DDR1: variants seen among roughly 807,000 people sequenced by gnomAD.
DDR1 encodes the protein epithelial discoidin domain-containing receptor 1.
In DDR1, 64 loss-of-function variants were observed where a neutral mutation model predicts 97.4. The observed-to-expected ratio is 0.66, with a 90% CI of 0.54 to 0.81. The LOEUF (loss-of-function observed/expected upper bound fraction) is 0.81. Among genes scored for constraint, DDR1 ranks in the 30% least tolerant of loss-of-function variants. DDR1 has a pLI of 0.00. For missense variants in DDR1, 990 were observed against 1,259.6 expected (o/e 0.79, Z 3.24); for synonymous variants, 458 against 503.7 (o/e 0.91, Z 1.21).
At position 30,888,649 on chromosome 6, in the gene DDR1, C is replaced by T. The variant is rs1387789614; in HGVS notation, c.-42-39C>T. The T allele has an allele frequency of 1.3e-6, 2 of 1,576,268 alleles. No individual in the cohort carries two copies. Among genetic ancestry groups the T allele is most frequent in the Non-Finnish European group, 1.7e-6 (2 of 1,160,734 alleles). On this transcript the variant is annotated intron_variant, in intron 1 of 17. Transcript: ENST00000376568. The surrounding 1 kb of genome is among the most constrained non-coding windows in gnomAD (Gnocchi z 4.2). The stretch of plus-strand genomic sequence containing the variant: ...GTTGCTGTCAGCTATGACTCAGTCC[C>T]CTGATTAACTTACGCACCACCCATT...
intron 11 of DDR1, 73 bp from the exon 12 acceptor site, chr6:30,895,331 T>G: frequency 8.6e-7 from 1 of 1,169,274 alleles, no homozygotes; most frequent in Non-Finnish European, 1.2e-6. Flanking sequence ...CTTGCCCTAT[T>G]CAAGGTCTCC....
intron 12 of DDR1, among the ~76,000 whole-genome samples, chr6:30,895,916 C>T (rs1246500966): frequency 6.6e-6 from 1 of 152,172 alleles, no homozygotes. Context: ...TGTCCTCTCT[C>T]TGCAGTCCCA....
At chr6:30,887,464 CCTT>C (rs1321969519) in intron 1 of DDR1, among the ~76,000 whole-genome samples, 1 of 152,122 alleles carries the variant, frequency 6.6e-6, no homozygotes. Context: ...TATATTCTCT[CCTT>C]CTAGACGTAC....
intron 10 of DDR1, 29 bp downstream of exon 10, chr6:30,893,452 C>CG: frequency 3.8e-6 from 6 of 1,583,094 alleles, no homozygotes; most frequent in Non-Finnish European, 5.1e-6. Flanking sequence ...TGTGGAGTGG[C>CG]GGGGGGAGGC....
chr6:30,897,276 G>C lies in DDR1; in HGVS notation c.1998-103G>C. 1.4e-6 allele frequency: 2 copies of C among 1,453,500 alleles called. No homozygotes were observed. Among genetic ancestry groups the C allele is most frequent in the Non-Finnish European group, 1.9e-6 (2 of 1,077,872 alleles). 90.0% of individuals were successfully genotyped at this position (1,453,500 alleles called of 1,614,324 possible). The stretch of plus-strand genomic sequence containing the variant: ...GGGGATTTACATGTACGCTGGGGGT[G>C]GGGACGCCTGGTCTGCCTGAGGTGG... On this transcript the variant is annotated intron_variant, in intron 14 of 17. Transcript: ENST00000376568. The surrounding 1 kb of genome is among the most constrained non-coding windows in gnomAD (Gnocchi z 5.2).
chr6:30,897,656 C>T lies in DDR1; in HGVS notation c.2216+59C>T, dbSNP rs117271606. Reference sequence around the variant, plus strand: ...ATTCCCCCAGGGGATCTCCTCCTCTCCCCTCGCTTCAGCCTGGAGGAAAAG... The same window carrying T: ...ATTCCCCCAGGGGATCTCCTCCTCTTCCCTCGCTTCAGCCTGGAGGAAAAG... On this transcript the variant is annotated intron_variant, in intron 15 of 17. Coordinates refer to ENST00000376568, the MANE Select transcript of DDR1 (RefSeq NM_001297654.2). This position sits in a 1 kb window ranked among gnomAD's most constrained non-coding sequence, Gnocchi z 5.2. 0.017 allele frequency: 23,087 copies of T among 1,398,104 alleles called. 616 individuals are homozygous for T. Among genetic ancestry groups the T allele is most frequent in the Admixed American group, 0.12 (6,460 of 52,210 alleles). The allele number at this position is 1,398,104 out of a possible 1,614,324, so 86.6% of individuals were successfully genotyped here.
chr6:30,896,577 G>A (rs757228468), intron 12 of DDR1, 44 bp from the exon 13 acceptor site: 3 of 1,588,716 alleles, frequency 1.9e-6, no homozygotes, highest in Non-Finnish European at 2.6e-6. Flanking sequence ...CTCTTGGGCT[G>A]TTCCTGATGC....
chr6:30,893,183 C>A lies in DDR1; in HGVS notation c.1195+20C>A. ...GCTTGGGTGAGCAATCTTGGGTGGG[C>A]GTGTGGACCCTCTGCACCCTTCTCC... On this transcript the variant is annotated intron_variant, in intron 9 of 17. Transcript: ENST00000376568. 1.9e-6 allele frequency: 3 copies of A among 1,602,650 alleles called. No homozygotes were observed. The highest frequency in any genetic ancestry group is 3.4e-5 in the Admixed American group (2 of 59,676).
intron 12 of DDR1, among the ~76,000 whole-genome samples, chr6:30,895,751 C>T (rs945126848): frequency 1.3e-5 from 2 of 152,214 alleles, no homozygotes; most frequent in Non-Finnish European, 2.9e-5. Context: ...CTTCTCCCTC[C>T]TCCTCTTCCA....
rs189043015 is a variant in DDR1 at position 30,898,586 on chromosome 6, G to A, written c.2451+279G>A. ...TGGGCGAGGAAGCTGGAGATAGAAG[G>A]GGTTGGGTAGGGAGACCGAAGGTCA... is the stretch of plus-strand genomic sequence containing the variant. On this transcript the variant is annotated intron_variant, in intron 16 of 17. Transcript: ENST00000376568. 1.8e-4 allele frequency among the ~76,000 whole-genome samples: 28 copies of A among 152,280 alleles called. No homozygotes were observed. In the East Asian group the frequency reaches 3.7e-3, roughly 20 times the overall value.
chr6:30,895,838 T>C (rs1790562069), intron 12 of DDR1, among the ~76,000 whole-genome samples: 1 of 152,090 alleles, frequency 6.6e-6, no homozygotes, highest in African/African-American at 2.4e-5. Context: ...CCTCCTTTAT[T>C]CTCCACTCTC....
rs977021532 is a variant in DDR1, at chr6:30,891,714, CAT to C, written c.665+236_665+237del. On this transcript the variant is annotated intron_variant, in intron 6 of 17. Transcript: ENST00000376568. This position sits in a 1 kb window ranked among gnomAD's most constrained non-coding sequence, Gnocchi z 5.3. ...AAAAAGGCACCCCTTTGCTAACACA[CAT>C]TGTTGGAAATTGCTGCAATAAATAT... is the stretch of plus-strand genomic sequence containing the variant. 4.6e-5 allele frequency among the ~76,000 whole-genome samples: 7 copies of C among 152,132 alleles called. No homozygotes were observed. Among genetic ancestry groups the C allele is most frequent in the African/African-American group, 1.7e-4 (7 of 41,408 alleles).
At position 30,899,153 on chromosome 6, in the gene DDR1, C is replaced by T. The variant is rs2150480787; in HGVS notation, c.2602-3C>T. 6.2e-7 allele frequency: 1 copy of T among 1,614,228 alleles called. No homozygotes were observed. The highest frequency in any genetic ancestry group is 8.5e-7 in the Non-Finnish European group (1 of 1,180,024). On this transcript the variant is annotated splice_region_variant and splice_polypyrimidine_tract_variant and intron_variant, in intron 17 of 17. Transcript: ENST00000376568. The stretch of plus-strand genomic sequence containing the variant: ...GACTCTCATCCACACTGCCACAATG[C>T]AGGTGTACCTGTCCCGGCCGCCTGC...
At chr6:30,882,124 T>C (rs1784403114), upstream of DDR1, 1 of 152,280 alleles carries the variant, frequency 6.6e-6, no homozygotes, top group African/African-American at 2.4e-5. The surrounding 1 kb of genome is among the most constrained non-coding windows in gnomAD (Gnocchi z 4.8). Flanking sequence ...GGACTGCAGC[T>C]AGTGTATGTG....
Position 30,899,184 on chromosome 6 carries a change from C to G in DDR1, c.2630C>G (p.Pro877Arg), listed in dbSNP as rs776556090. The G allele has an allele frequency of 1.2e-6, 2 of 1,614,232 alleles. No individual in the cohort carries two copies. The highest frequency in any genetic ancestry group is 1.7e-6 in the Non-Finnish European group (2 of 1,180,034). Residue 877 changes from proline (P) to arginine (R), a missense_variant, in exon 18 of 18, where the codon CCG (proline) becomes CGG (arginine). Coordinates refer to ENST00000376568, the MANE Select transcript of DDR1 (RefSeq NM_001297654.2). The part of the protein sequence containing the change: ...QVYLSRPPAC[P>R]QGLYELMLRC... ...TACCTGTCCCGGCCGCCTGCCTGCC[C>G]GCAGGGCCTATATGAGCTGATGCTT...
intron 1 of DDR1, chr6:30,885,803 G>T (rs1347283790): frequency 7.8e-7 from 1 of 1,290,064 alleles, no homozygotes; most frequent in African/African-American, 1.5e-5. Context: ...GCTGTTTACA[G>T]CCAGTTCAGT....
Position 30,884,898 on chromosome 6 carries a change from CG to C in DDR1, c.-43+192del. The C allele has an allele frequency of 2.7e-6, 1 of 373,838 alleles. No individual in the cohort carries two copies. The highest frequency in any genetic ancestry group is 3.9e-5 in the East Asian group (1 of 25,402). 23.2% of individuals were successfully genotyped at this position (373,838 alleles called of 1,614,324 possible). ...TGGCATACCGTCTGAAAACCGGGGG[CG>C]GGGACTGGGTGGAGGTGAAGCCCGT... On this transcript the variant is annotated intron_variant, in intron 1 of 17. Coordinates refer to ENST00000376568, the MANE Select transcript of DDR1 (RefSeq NM_001297654.2). This position sits in a 1 kb window ranked among gnomAD's most constrained non-coding sequence, Gnocchi z 6.1.
At position 30,897,692 on chromosome 6, in the gene DDR1, G is replaced by A; in HGVS notation, c.2216+95G>A. 4 of 1,063,616 alleles carry A rather than the reference G, an allele frequency of 3.8e-6. No individual in the cohort carries two copies. The highest frequency in any genetic ancestry group is 3.0e-5 in the South Asian group (2 of 66,776). 65.9% of individuals were successfully genotyped at this position (1,063,616 alleles called of 1,614,324 possible). ...AGCCTGGAGGAAAAGAGGGGAGCGT[G>A]GGGGTGGGAAGGGAGAGAGGTTCCA... On this transcript the variant is annotated intron_variant, in intron 15 of 17. Coordinates refer to ENST00000376568, the MANE Select transcript of DDR1 (RefSeq NM_001297654.2). The surrounding 1 kb of genome is among the most constrained non-coding windows in gnomAD (Gnocchi z 5.2).
intron 10 of DDR1, among the ~76,000 whole-genome samples, chr6:30,893,874 G>A (rs952421386): frequency 6.6e-6 from 1 of 152,218 alleles, no homozygotes; most frequent in Non-Finnish European, 1.5e-5. Flanking sequence ...CAGGCAGAGA[G>A]TGGGGTTGGA....
Sources: allele counts gnomAD v4.1 joint callset (sites outside exome capture counted in the v4.1 genomes callset), GRCh38; gene constraint gnomAD v4.1.1; non-coding constraint Gnocchi (gnomAD v3.1); transcripts MANE v1.5; gene names NCBI Gene and HGNC (gene_info 2026-07-23, HGNC 2026-07-21).